Variants in CFAP300 observed in about 807,000 individuals in gnomAD.
CFAP300 encodes the protein cilia- and flagella-associated protein 300.
In CFAP300, 32 loss-of-function variants were observed where a neutral mutation model predicts 33.0. That is an observed-to-expected ratio of 0.97 (90% CI 0.73 to 1.30). The LOEUF (loss-of-function observed/expected upper bound fraction) is 1.30, where lower values mean the gene tolerates loss of function less well. CFAP300 is among the 50% of genes most tolerant of loss of function. The pLI, the probability that CFAP300 is intolerant of heterozygous loss-of-function variation, is 0.00. For missense variants in CFAP300, 356 were observed against 318.1 expected (o/e 1.12, Z -0.90); for synonymous variants, 102 against 106.8 (o/e 0.95, Z 0.28).
At chr11:102,049,230 T>G (rs1311553848) in intron 2 of CFAP300, among the ~76,000 whole-genome samples, 1 of 152,226 alleles carries the variant, frequency 6.6e-6, no homozygotes, top group Non-Finnish European at 1.5e-5. Context: ...TGCCTCTTCC[T>G]GCCTTCTGGC....
At chr11:102,050,051 G>A in intron 2 of CFAP300, among the ~76,000 whole-genome samples, 1 of 152,022 alleles carries the variant, frequency 6.6e-6, no homozygotes, top group South Asian at 2.1e-4. Flanking sequence ...GCTACTTGCG[G>A]GGCTGAGGTG....
At chr11:102,075,616 A>T (rs1232589869) in intron 4 of CFAP300, among the ~76,000 whole-genome samples, 1 of 152,324 alleles carries the variant, frequency 6.6e-6, no homozygotes, top group Non-Finnish European at 1.5e-5. Context: ...ATAAACTAGA[A>T]AAAAGAAATA....
chr11:102,081,428 A>G (rs2135053284), intron 6 of CFAP300, 147 bp downstream of exon 6: 1 of 700,840 alleles, frequency 1.4e-6, no homozygotes, highest in East Asian at 2.7e-5. Context: ...AAAAGTTGAT[A>G]GAGTATGCTT....
chr11:102,072,805 A>C (rs1327275456), intron 4 of CFAP300, among the ~76,000 whole-genome samples: 2 of 152,028 alleles, frequency 1.3e-5, no homozygotes, highest in Non-Finnish European at 2.9e-5. Flanking sequence ...CTTTTTCCCG[A>C]AGATGTACTT....
intron 5 of CFAP300, among the ~76,000 whole-genome samples, chr11:102,078,968 C>G (rs1591066775): frequency 6.6e-6 from 1 of 152,148 alleles, no homozygotes; most frequent in African/African-American, 2.4e-5. Flanking sequence ...CCTCGGCTAC[C>G]CAAAGTGCTG....
chr11:102,057,648 G>T (rs766276516), intron 2 of CFAP300, among the ~76,000 whole-genome samples: 3 of 152,158 alleles, frequency 2.0e-5, no homozygotes, highest in Admixed American at 6.5e-5. Flanking sequence ...AAAATGCAAG[G>T]AACTCCCTTG....
Position 102,059,812 on chromosome 11 carries a change from CT to C in CFAP300, c.268+873del, listed in dbSNP as rs538180709. Among the ~76,000 whole-genome samples, 252 of 138,916 alleles carry C rather than the reference CT, an allele frequency of 1.8e-3. 1 individual carries two copies. Among genetic ancestry groups the C allele is most frequent in the South Asian group, 3.0e-3 (13 of 4,286 alleles). 91.1% of individuals were successfully genotyped at this position (138,916 alleles called of 152,430 possible). Reference sequence around the variant, plus strand: ...ACAGAGGAATCAGCCAACCACAGGACTTTTTTTTTTTTTTTTGAGACAGTGT... The same window carrying C: ...ACAGAGGAATCAGCCAACCACAGGACTTTTTTTTTTTTTTTGAGACAGTGT... On this transcript the variant is annotated intron_variant, in intron 3 of 6. Transcript: ENST00000434758.
intron 2 of CFAP300, among the ~76,000 whole-genome samples, chr11:102,056,401 A>G (rs1473804772): frequency 6.6e-6 from 1 of 152,238 alleles, no homozygotes; most frequent in Non-Finnish European, 1.5e-5. Flanking sequence ...CCAGAGGGTT[A>G]TAAAGATTCA....
At chr11:102,054,306 A>G (rs1224160388) in intron 2 of CFAP300, among the ~76,000 whole-genome samples, 1 of 152,236 alleles carries the variant, frequency 6.6e-6, no homozygotes, top group Non-Finnish European at 1.5e-5. Context: ...ATGGCATGTT[A>G]CTATCTCCTC....
At chr11:102,049,814 A>C (rs1941941411) in intron 2 of CFAP300, among the ~76,000 whole-genome samples, 1 of 151,988 alleles carries the variant, frequency 6.6e-6, no homozygotes. Flanking sequence ...ATCCCAGCTT[A>C]CAAGGCATGT....
chr11:102,055,361 C>CTTTTTTTTTTTTTTTTTTTTTT (rs561779599), intron 2 of CFAP300, among the ~76,000 whole-genome samples: 1 of 113,516 alleles, frequency 8.8e-6, no homozygotes, highest in Admixed American at 1.0e-4. Flanking sequence ...ATGCGTTACT[C>CTTTTTTTTTTTTTTTTTTTTTT]TTTTTTTTTT....
chr11:102,048,556 CGCCGCTTTATT>C (rs1941922498), intron 2 of CFAP300, among the ~76,000 whole-genome samples: 1 of 152,138 alleles, frequency 6.6e-6, no homozygotes, highest in Non-Finnish European at 1.5e-5. Flanking sequence ...ACAGCTTTAT[CGCCGCTTTATT>C]TACTAGCTCC....
intron 4 of CFAP300, among the ~76,000 whole-genome samples, chr11:102,067,422 C>G (rs780159694): frequency 1.3e-5 from 2 of 152,090 alleles, no homozygotes; most frequent in African/African-American, 2.4e-5. Flanking sequence ...TATCTCATTG[C>G]TAATATCAAC....
At chr11:102,066,344 A>T in intron 3 of CFAP300, 141 bp from the exon 4 acceptor site, 1 of 458,316 alleles carries the variant, frequency 2.2e-6, no homozygotes, top group African/African-American at 2.0e-5. Context: ...AAATTCATAA[A>T]CTAATATATA....
intron 3 of CFAP300, among the ~76,000 whole-genome samples, chr11:102,062,018 G>A (rs1323236176): frequency 6.6e-6 from 1 of 152,150 alleles, no homozygotes; most frequent in African/African-American, 2.4e-5. Flanking sequence ...CAATGTGATG[G>A]TTTTTGGAGA....
intron 2 of CFAP300, among the ~76,000 whole-genome samples, chr11:102,055,695 CGGAGTCTCGCTCTGTCGCCCAGGCT>C (rs1942044297): frequency 1.8e-5 from 2 of 110,424 alleles, no homozygotes; most frequent in South Asian, 5.9e-4. Flanking sequence ...TTTTTTGAGA[CGGAGTCTCGCTCTGTCGCCCAGGCT>C]GGAGTGCAGT....
intron 4 of CFAP300, among the ~76,000 whole-genome samples, chr11:102,073,677 A>T (rs2135044010): frequency 6.6e-6 from 1 of 152,054 alleles, no homozygotes; most frequent in Admixed American, 6.5e-5. Flanking sequence ...GGCTGCAGCC[A>T]CTGGCAGGCG....
In CFAP300 at chr11:102,047,814, G is replaced by A. The variant is rs1388504216; in HGVS notation, c.111-1G>A. 5 of 1,614,078 alleles carry A rather than the reference G, an allele frequency of 3.1e-6. No homozygotes were observed. The highest frequency in any genetic ancestry group is 3.4e-6 in the Non-Finnish European group (4 of 1,179,994). ...GATTTCTTTTTCCTCCTCTGCCCCA[G>A]GTCCATGCTGGGCAGAATCAAGGCG... On this transcript the variant is annotated splice_acceptor_variant, in intron 1 of 6. Coordinates refer to ENST00000434758, the MANE Select transcript of CFAP300 (RefSeq NM_032930.3). LOFTEE classifies it high-confidence loss of function.
At chr11:102,066,432 G>A (rs1942225966) in intron 3 of CFAP300, 53 bp from the exon 4 acceptor site, 1 of 1,324,428 alleles carries the variant, frequency 7.6e-7, no homozygotes, top group South Asian at 1.5e-5. Flanking sequence ...AAATAGTTGA[G>A]AATACTAAAT....
Sources: gnomAD v4.1 joint callset for allele counts (sites outside exome capture counted in the v4.1 genomes callset) on GRCh38, gnomAD v4.1.1 for gene constraint, MANE v1.5 for transcripts, NCBI Gene and HGNC (gene_info 2026-07-23, HGNC 2026-07-21) for gene names.